The following ATP13A4 variants were observed in gnomAD, a reference collection of about 807,000 sequenced individuals.
The protein encoded by ATP13A4 is ATPase 13A4.
A neutral mutation model predicts 142.5 loss-of-function variants in ATP13A4; 114 were observed. The ratio of observed to expected loss-of-function variants is 0.80; its 90% CI spans 0.69 to 0.93. ATP13A4 has a LOEUF of 0.93. Among genes scored for constraint, ATP13A4 ranks in the 40% least tolerant of loss-of-function variants. The pLI is 0.00. For synonymous variants in ATP13A4, 488 were observed against 514.8 expected (o/e 0.95, Z 0.70); for missense variants, 1,392 against 1,454.0 (o/e 0.96, Z 0.69).
At chr3:193,407,957 AG>A (rs35558445) in intron 28 of ATP13A4, among the ~76,000 whole-genome samples, 2 of 152,242 alleles carry the variant, frequency 1.3e-5, no homozygotes, top group Admixed American at 1.3e-4. Flanking sequence ...TGCCCTCACA[AG>A]GGCCCTTGCC....
chr3:193,471,584 A>C (rs1343493525), intron 8 of ATP13A4, among the ~76,000 whole-genome samples: 1 of 151,764 alleles, frequency 6.6e-6, no homozygotes, highest in Non-Finnish European at 1.5e-5. Flanking sequence ...CCTGCCTCAA[A>C]AAAAAAAAAA....
At chr3:193,572,011 C>A (rs1340686150) in intron 2 of ATP13A4, among the ~76,000 whole-genome samples, 1 of 152,112 alleles carries the variant, frequency 6.6e-6, no homozygotes, top group African/African-American at 2.4e-5. Context: ...CAGGAAGCCG[C>A]CCAAGCAGGC....
intron 3 of ATP13A4, 112 bp downstream of exon 3, chr3:193,502,381 T>C: frequency 7.7e-7 from 1 of 1,291,334 alleles, no homozygotes; most frequent in Non-Finnish European, 1.1e-6. Context: ...ACATTTTAAA[T>C]ATACACTATC....
At chr3:193,455,682 G>A (rs1717567107) in intron 16 of ATP13A4, among the ~76,000 whole-genome samples, 1 of 152,190 alleles carries the variant, frequency 6.6e-6, no homozygotes, top group African/African-American at 2.4e-5. Context: ...TCCCATTACT[G>A]GGTATATAGC....
intron 25 of ATP13A4, 52 bp downstream of exon 25, chr3:193,433,793 G>T: frequency 7.5e-7 from 1 of 1,332,072 alleles, no homozygotes; most frequent in South Asian, 1.2e-5. Context: ...CAAGGCAGAG[G>T]GAGGGCAGCT....
At chr3:193,524,319 G>A (rs1215228799) in intron 1 of ATP13A4, among the ~76,000 whole-genome samples, 2 of 152,164 alleles carry the variant, frequency 1.3e-5, no homozygotes, top group Admixed American at 1.3e-4. Flanking sequence ...CAGTCTTGTA[G>A]GACTGAGCCC....
chr3:193,523,403 C>T (rs1721829162), intron 1 of ATP13A4, among the ~76,000 whole-genome samples: 1 of 152,138 alleles, frequency 6.6e-6, no homozygotes, highest in African/African-American at 2.4e-5. Context: ...AGGAATCAGC[C>T]ATATCTTTAG....
At chr3:193,564,030 G>A (rs754494446) in intron 2 of ATP13A4, among the ~76,000 whole-genome samples, 1 of 152,182 alleles carries the variant, frequency 6.6e-6, no homozygotes, top group African/African-American at 2.4e-5. Context: ...CAATTAAACA[G>A]CATTATATTC....
At chr3:193,433,357 G>T in intron 25 of ATP13A4, among the ~76,000 whole-genome samples, 1 of 152,124 alleles carries the variant, frequency 6.6e-6, no homozygotes, top group East Asian at 1.9e-4. Flanking sequence ...ATTTTCCATT[G>T]CAGGAACATT....
chr3:193,551,111 T>A (rs1199483623), intron 1 of ATP13A4, among the ~76,000 whole-genome samples: 2 of 152,172 alleles, frequency 1.3e-5, no homozygotes. Flanking sequence ...CTACGGCCTA[T>A]GAATAAAAGT....
upstream of ATP13A4, among the ~76,000 whole-genome samples, chr3:193,558,210 CCTTCTAAGTTAAGT>C (rs1159896773): frequency 1.3e-5 from 2 of 152,188 alleles, no homozygotes; most frequent in African/African-American, 4.8e-5. Context: ...TTTTCTTGAA[CCTTCTAAGTTAAGT>C]CTTCTATTTC....
At chr3:193,532,294 G>A (rs748395271) in intron 1 of ATP13A4, among the ~76,000 whole-genome samples, 17 of 151,350 alleles carry the variant, frequency 1.1e-4, no homozygotes, top group Non-Finnish European at 2.5e-4. Context: ...CCTGACAAGT[G>A]GCACCTGTTT....
chr3:193,442,224 C>A (rs936551190), intron 19 of ATP13A4, among the ~76,000 whole-genome samples, 169 bp downstream of exon 19: 1 of 152,162 alleles, frequency 6.6e-6, no homozygotes, highest in Non-Finnish European at 1.5e-5. Flanking sequence ...AAGCACTATA[C>A]CTTCAATCTC....
chr3:193,466,997 A>C lies in ATP13A4; in HGVS notation c.1114+319T>G, dbSNP rs1718328683. Among the ~76,000 whole-genome samples, 3 of 152,298 alleles carry C rather than the reference A, an allele frequency of 2.0e-5. No individual in the cohort carries two copies. In the South Asian group the frequency reaches 6.2e-4, roughly 32 times the overall value. ...ATTTGATAGTACAAAGGGTGACTATAGTCAATAATAACTTAATTATATATT... is the reference window on the plus strand; with the variant it reads ...ATTTGATAGTACAAAGGGTGACTATCGTCAATAATAACTTAATTATATATT... On this transcript the variant is annotated intron_variant, in intron 10 of 29. Transcript: ENST00000342695.
chr3:193,456,925 T>C, intron 16 of ATP13A4, 75 bp downstream of exon 16: 1 of 1,529,096 alleles, frequency 6.5e-7, no homozygotes, highest in Non-Finnish European at 8.9e-7. Context: ...ATTGAATTAA[T>C]AGATCAAATG....
intron 1 of ATP13A4, among the ~76,000 whole-genome samples, chr3:193,546,797 C>A (rs999029908): frequency 2.0e-5 from 3 of 152,184 alleles, no homozygotes; most frequent in African/African-American, 7.2e-5. Context: ...GCCAAACGAA[C>A]CTGGTAATGT....
intron 28 of ATP13A4, among the ~76,000 whole-genome samples, chr3:193,410,000 T>C (rs574967346): frequency 1.3e-5 from 2 of 152,228 alleles, no homozygotes; most frequent in Admixed American, 6.5e-5. Context: ...TTAAAAGAGC[T>C]GTTTCTTTAG....
chr3:193,561,046 G>C (rs1724006625), intron 2 of ATP13A4, among the ~76,000 whole-genome samples: 1 of 152,208 alleles, frequency 6.6e-6, no homozygotes, highest in African/African-American at 2.4e-5. Flanking sequence ...GCCTGGCATG[G>C]GAAAGGCTTC....
intron 3 of ATP13A4, among the ~76,000 whole-genome samples, 160 bp downstream of exon 3, chr3:193,502,333 G>A (rs1720595925): frequency 6.6e-6 from 1 of 152,162 alleles, no homozygotes; most frequent in East Asian, 1.9e-4. Context: ...TATTTAGAAG[G>A]AGCAAGCTGA....
Sources: gnomAD v4.1 joint callset for allele counts (sites outside exome capture counted in the v4.1 genomes callset) on GRCh38, gnomAD v4.1.1 for gene constraint, MANE v1.5 for transcripts, NCBI Gene and HGNC (gene_info 2026-07-23, HGNC 2026-07-21) for gene names.